SETD3: variants seen among roughly 807,000 people sequenced by gnomAD.
SETD3 encodes the protein actin-histidine N-methyltransferase.
SETD3 carries 19 observed loss-of-function variants against 63.0 expected under a neutral mutation model. The ratio of observed to expected loss-of-function variants is 0.30; its 90% CI spans 0.21 to 0.44. The LOEUF (loss-of-function observed/expected upper bound fraction) is 0.44. Among genes scored for constraint, SETD3 ranks in the 20% least tolerant of loss-of-function variants. The pLI is 1.00. For synonymous variants in SETD3, 286 were observed against 264.1 expected (o/e 1.08, Z -0.80); for missense variants, 587 against 728.5 (o/e 0.81, Z 2.24).
At chr14:99,415,366 T>C (rs1249327039) in intron 6 of SETD3, among the ~76,000 whole-genome samples, 1 of 152,192 alleles carries the variant, frequency 6.6e-6, no homozygotes, top group Non-Finnish European at 1.5e-5. Context: ...AAGATGACAA[T>C]ATTCAAAACT....
Position 99,474,247 on chromosome 14 carries a change from C to T in SETD3, c.-9+6481G>A, listed in dbSNP as rs1895852944. Reference sequence around the variant, plus strand: ...GGCTGATGTAGGAGAAATGTTTAAACCCAGGAGGTGGAGATTGCAGTGAGC... The same window carrying T: ...GGCTGATGTAGGAGAAATGTTTAAATCCAGGAGGTGGAGATTGCAGTGAGC... On this transcript the variant is annotated intron_variant, in intron 1 of 12. Transcript: ENST00000331768. 3.3e-5 allele frequency among the ~76,000 whole-genome samples: 5 copies of T among 152,124 alleles called. No homozygotes were observed. The South Asian group carries it at 1.0e-3, about 32-fold the overall frequency.
At chr14:99,473,667 G>A (rs1895821024) in intron 1 of SETD3, among the ~76,000 whole-genome samples, 1 of 152,140 alleles carries the variant, frequency 6.6e-6, no homozygotes, top group Non-Finnish European at 1.5e-5. Flanking sequence ...ACACTCGAGA[G>A]AGTGTGAGGG....
chr14:99,471,842 A>C (rs1443927926), intron 1 of SETD3, among the ~76,000 whole-genome samples: 1 of 152,190 alleles, frequency 6.6e-6, no homozygotes, highest in Non-Finnish European at 1.5e-5. Context: ...AAGCACAGGG[A>C]AAAGCTCCAT....
intron 5 of SETD3, 87 bp from the exon 6 acceptor site, chr14:99,458,622 C>T: frequency 1.3e-6 from 2 of 1,482,654 alleles, no homozygotes; most frequent in Non-Finnish European, 1.8e-6. Context: ...TACAGAAAAA[C>T]TAAAAGGTCT....
upstream of SETD3, among the ~76,000 whole-genome samples, chr14:99,483,385 C>CA (rs975779136): frequency 7.3e-4 from 108 of 148,558 alleles, 1 homozygote; most frequent in East Asian, 2.6e-3. Context: ...CTCACCACTA[C>CA]AAAAAAAAAA....
At chr14:99,461,127 G>A (rs1895040587) in intron 4 of SETD3, 65 bp downstream of exon 4, 12 of 1,563,046 alleles carry the variant, frequency 7.7e-6, no homozygotes, top group South Asian at 2.3e-5. Flanking sequence ...TTCACCCTGC[G>A]CCCTCTACAG....
In SETD3 at chr14:99,398,776, G is replaced by C; in HGVS notation, c.1688C>G (p.Thr563Ser). Reference sequence around the variant, plus strand: ...ATTGAGACTTTCATTTTCGGACCTGGTCCCATTAGGGATAGAGTTTTCACC... The same window carrying C: ...ATTGAGACTTTCATTTTCGGACCTGCTCCCATTAGGGATAGAGTTTTCACC... Reference protein sequence around the residue: ...VNGENSIPNGTRSENESLNQE... With the variant: ...VNGENSIPNGSRSENESLNQE... The change falls in exon 13 of 13, where the codon ACC (threonine) becomes AGC (serine). Residue 563 changes from threonine (T) to serine (S), a missense_variant. Transcript: ENST00000331768. 2.5e-6 allele frequency: 4 copies of C among 1,614,170 alleles called. No homozygotes were observed. Among genetic ancestry groups the C allele is most frequent in the Non-Finnish European group, 3.4e-6 (4 of 1,180,030 alleles).
At chr14:99,435,167 T>C (rs754629743) in intron 6 of SETD3, among the ~76,000 whole-genome samples, 3 of 152,210 alleles carry the variant, frequency 2.0e-5, no homozygotes, top group Non-Finnish European at 2.9e-5. Flanking sequence ...GTCATGTTTA[T>C]TCATAGACTA....
upstream of SETD3, among the ~76,000 whole-genome samples, chr14:99,482,908 T>A (rs189057053): frequency 6.6e-6 from 1 of 152,292 alleles, no homozygotes; most frequent in East Asian, 1.9e-4. Flanking sequence ...TTGTTTTCTT[T>A]AAAATTGGAT....
Position 99,398,913 on chromosome 14 carries a change from C to A in SETD3, c.1551G>T (p.Ser517=). 6.2e-7 allele frequency: 1 copy of A among 1,614,058 alleles called. No individual in the cohort carries two copies. The highest frequency in any genetic ancestry group is 8.5e-7 in the Non-Finnish European group (1 of 1,179,928). Residue 517 remains serine (S), a synonymous_variant, in exon 13 of 13, where the codon TCG becomes TCT. Transcript: ENST00000331768. ...LGLLESSVGD[S]RLPLVLRNLE... ...GGTTTCTCAAGACCAGGGGGAGCCT[C>A]GAGTCCCCCACGCTGCTCTCCAACA...
chr14:99,403,138 G>C (rs1891472740), intron 11 of SETD3, among the ~76,000 whole-genome samples: 1 of 152,200 alleles, frequency 6.6e-6, no homozygotes, highest in Non-Finnish European at 1.5e-5. Flanking sequence ...GTTGGTGTGT[G>C]AACTGCCTCT....
chr14:99,407,421 T>C (rs977792368), intron 8 of SETD3, among the ~76,000 whole-genome samples: 3 of 152,232 alleles, frequency 2.0e-5, no homozygotes, highest in Admixed American at 6.5e-5. Context: ...ATAGTCCTTA[T>C]TCCTTCTCAC....
upstream of SETD3, among the ~76,000 whole-genome samples, chr14:99,482,630 G>A (rs1041769885): frequency 6.6e-6 from 1 of 152,100 alleles, no homozygotes; most frequent in African/African-American, 2.4e-5. Flanking sequence ...ATATTGTGAT[G>A]CATTATTCAA....
intron 6 of SETD3, among the ~76,000 whole-genome samples, chr14:99,424,573 CAGAA>C (rs1892775981): frequency 6.6e-6 from 1 of 152,122 alleles, no homozygotes; most frequent in African/African-American, 2.4e-5. Flanking sequence ...AAAGCCAGGA[CAGAA>C]AGAAAGAGTG....
intron 1 of SETD3, among the ~76,000 whole-genome samples, chr14:99,479,050 TAAG>T (rs1896122335): frequency 1.3e-5 from 2 of 152,220 alleles, no homozygotes; most frequent in African/African-American, 4.8e-5. Flanking sequence ...CATACAGACA[TAAG>T]ATGTTCTAAT....
At chr14:99,400,386 G>T (rs1566869809) in intron 11 of SETD3, 127 bp from the exon 12 acceptor site, 1 of 1,011,010 alleles carries the variant, frequency 9.9e-7, no homozygotes, top group Non-Finnish European at 1.4e-6. Flanking sequence ...CTGTCCCTAC[G>T]CAATGGGCCA....
intron 1 of SETD3, among the ~76,000 whole-genome samples, chr14:99,468,646 C>T (rs1051507000): frequency 5.3e-5 from 8 of 152,042 alleles, no homozygotes; most frequent in South Asian, 4.1e-4. Context: ...TCTGCCTCCC[C>T]GTTCACCCCT....
chr14:99,417,458 T>C (rs533797576), intron 6 of SETD3, among the ~76,000 whole-genome samples: 1 of 152,374 alleles, frequency 6.6e-6, no homozygotes, highest in African/African-American at 2.4e-5. Flanking sequence ...AAAACCTTGA[T>C]ATTTATAATT....
At chr14:99,463,046 G>T (rs1895161578) in intron 3 of SETD3, among the ~76,000 whole-genome samples, 1 of 152,186 alleles carries the variant, frequency 6.6e-6, no homozygotes, top group Non-Finnish European at 1.5e-5. Flanking sequence ...TAAAAACACA[G>T]CTTAAGGAAT....
Sources: allele counts gnomAD v4.1 joint callset (sites outside exome capture counted in the v4.1 genomes callset), GRCh38; gene constraint gnomAD v4.1.1; transcripts MANE v1.5; gene names NCBI Gene and HGNC (gene_info 2026-07-23, HGNC 2026-07-21).